The following CNGB3 variants were observed in gnomAD, a reference collection of about 807,000 sequenced individuals.
CNGB3 encodes cyclic nucleotide-gated channel beta-3.
In CNGB3, 86 loss-of-function variants were observed where a neutral mutation model predicts 92.8. The ratio of observed to expected loss-of-function variants is 0.93; its 90% CI spans 0.78 to 1.11. The LOEUF is 1.11. CNGB3 is among the 50% of genes least tolerant of loss of function. The pLI, the probability that CNGB3 is intolerant of heterozygous loss-of-function variation, is 0.00. For missense variants in CNGB3, 1,026 were observed against 956.8 expected (o/e 1.07, Z -0.95); for synonymous variants, 333 against 332.7 (o/e 1.00, Z -0.01).
At chr8:86,743,144 G>T (rs76234816) in intron 1 of CNGB3, among the ~76,000 whole-genome samples, 2,544 of 152,232 alleles carry the variant, frequency 0.017, 66 homozygotes, top group African/African-American at 0.059. Flanking sequence ...TTGTTAACAT[G>T]TGGTTTATGA....
intron 6 of CNGB3, chr8:86,657,432 G>A (rs1823532560): frequency 4.0e-6 from 2 of 503,812 alleles, no homozygotes; most frequent in Non-Finnish European, 8.0e-6. Flanking sequence ...TAGAAAAATG[G>A]AATGCAGGGG....
At chr8:86,643,904 T>C in intron 9 of CNGB3, 31 bp from the exon 10 acceptor site, 1 of 1,595,668 alleles carries the variant, frequency 6.3e-7, no homozygotes, top group Middle Eastern at 1.7e-4. Flanking sequence ...AAAGTAAGAT[T>C]CATGTTGTTT....
At chr8:86,632,966 A>G in intron 10 of CNGB3, 73 bp from the exon 11 acceptor site, 2 of 1,347,334 alleles carry the variant, frequency 1.5e-6, no homozygotes, top group Non-Finnish European at 2.1e-6. Flanking sequence ...GGGAGAATAT[A>G]GTACTATTAA....
intron 12 of CNGB3, among the ~76,000 whole-genome samples, chr8:86,627,260 G>A (rs1202211625): frequency 6.6e-6 from 1 of 152,076 alleles, no homozygotes; most frequent in Non-Finnish European, 1.5e-5. Context: ...CCTAAGCCAA[G>A]GAGTTGAATC....
chr8:86,702,979 T>TC (rs1445725317), intron 3 of CNGB3, among the ~76,000 whole-genome samples: 1 of 152,104 alleles, frequency 6.6e-6, no homozygotes. Context: ...ATATAATTTT[T>TC]AAAAATTGAT....
At chr8:86,598,882 T>A (rs931600266) in intron 15 of CNGB3, among the ~76,000 whole-genome samples, 7 of 152,220 alleles carry the variant, frequency 4.6e-5, no homozygotes, top group African/African-American at 1.7e-4. Context: ...GACCCTTTTT[T>A]TCAAGTTAGG....
chr8:86,624,540 C>T (rs1483735321), intron 13 of CNGB3, among the ~76,000 whole-genome samples: 3 of 152,176 alleles, frequency 2.0e-5, no homozygotes, highest in Non-Finnish European at 4.4e-5. Flanking sequence ...TTCCACCACT[C>T]TGCCTTTGCT....
chr8:86,682,195 C>T (rs1333912278), intron 3 of CNGB3, among the ~76,000 whole-genome samples: 2 of 152,148 alleles, frequency 1.3e-5, no homozygotes, highest in South Asian at 2.1e-4. Flanking sequence ...GCTATTTCCA[C>T]AGGTCGGGCT....
intron 15 of CNGB3, among the ~76,000 whole-genome samples, chr8:86,584,933 G>T (rs1279519501): frequency 2.0e-5 from 3 of 152,086 alleles, no homozygotes; most frequent in Non-Finnish European, 2.9e-5. Context: ...AGCATGGTAT[G>T]GTTTTGTGAA....
chr8:86,642,890 T>C (rs2131593451), intron 10 of CNGB3, among the ~76,000 whole-genome samples: 1 of 151,698 alleles, frequency 6.6e-6, no homozygotes, highest in Non-Finnish European at 1.5e-5. Flanking sequence ...GAGTTAGTGG[T>C]TATAGCTGAC....
chr8:86,580,849 G>T (rs1261231762), intron 15 of CNGB3, among the ~76,000 whole-genome samples: 2 of 152,192 alleles, frequency 1.3e-5, no homozygotes, highest in Non-Finnish European at 2.9e-5. Flanking sequence ...GAGTTAATCT[G>T]TTAGAAACTG....
Position 86,669,336 on chromosome 8 carries a change from G to A in CNGB3, c.494-1168C>T, listed in dbSNP as rs1823812020. On this transcript the variant is annotated intron_variant, in intron 4 of 17. Coordinates refer to ENST00000320005, the MANE Select transcript of CNGB3 (RefSeq NM_019098.5). Reference sequence around the variant, plus strand: ...TATACAATAAAAACAAAATAAAATAGTAACATTTATGAAAATATACAGGTA... The same window carrying A: ...TATACAATAAAAACAAAATAAAATAATAACATTTATGAAAATATACAGGTA... Among the ~76,000 whole-genome samples the A allele has an allele frequency of 2.6e-5, 4 of 151,940 alleles. No homozygotes were observed. In the South Asian group the frequency reaches 8.3e-4, roughly 32 times the overall value.
chr8:86,648,029 G>T, intron 7 of CNGB3, 142 bp from the exon 8 acceptor site: 1 of 698,742 alleles, frequency 1.4e-6, no homozygotes, highest in Middle Eastern at 2.8e-4. Context: ...AATTAACTAT[G>T]CATGGGGCTT....
intron 6 of CNGB3, chr8:86,659,107 G>A (rs1823577862): frequency 2.7e-6 from 2 of 738,380 alleles, no homozygotes; most frequent in Non-Finnish European, 2.3e-6. Context: ...TGTTCCCTCA[G>A]TTTGGCCAAG....
At chr8:86,664,237 G>A (rs1823698659) in intron 6 of CNGB3, among the ~76,000 whole-genome samples, 1 of 152,098 alleles carries the variant, frequency 6.6e-6, no homozygotes. Context: ...ACACTTCCCA[G>A]AAAATGACAA....
chr8:86,596,895 A>G (rs1822183557), intron 15 of CNGB3, among the ~76,000 whole-genome samples: 2 of 152,202 alleles, frequency 1.3e-5, no homozygotes, highest in South Asian at 4.1e-4. Flanking sequence ...ATGAAGCTGG[A>G]AACCATCATT....
intron 6 of CNGB3, chr8:86,661,950 C>A: frequency 1.5e-6 from 1 of 647,988 alleles, no homozygotes; most frequent in Non-Finnish European, 2.8e-6. Context: ...AGAGGCTCAA[C>A]CCATCATGGA....
intron 15 of CNGB3, among the ~76,000 whole-genome samples, chr8:86,583,029 G>GGGTTCAAGTGATTCTCCTGCCTCAGTCTC (rs1554605260): frequency 1.9e-4 from 2 of 10,774 alleles, no homozygotes; most frequent in Non-Finnish European, 1.9e-4. Context: ...TCTGCTTCCT[G>GGGTTCAAGTGATTCTCCTGCCTCAGTCTC]TAGCTGGGAT....
intron 13 of CNGB3, among the ~76,000 whole-genome samples, chr8:86,612,442 C>T (rs926464945): frequency 1.3e-5 from 2 of 152,180 alleles, no homozygotes; most frequent in Non-Finnish European, 1.5e-5. Flanking sequence ...CATGTAACAG[C>T]TTTCCTCTTG....
Sources: gnomAD v4.1 joint callset for allele counts (sites outside exome capture counted in the v4.1 genomes callset) on GRCh38, gnomAD v4.1.1 for gene constraint, MANE v1.5 for transcripts, NCBI Gene and HGNC (gene_info 2026-07-23, HGNC 2026-07-21) for gene names.